NWD2: variants seen among roughly 807,000 people sequenced by gnomAD.
NWD2 encodes the protein NACHT and WD repeat domain-containing protein 2.
NWD2 carries 37 observed loss-of-function variants against 132.7 expected under a neutral mutation model. The observed-to-expected ratio is 0.28, with a 90% CI of 0.21 to 0.37. The LOEUF (loss-of-function observed/expected upper bound fraction) is 0.37, where lower values mean the gene tolerates loss of function less well. NWD2 is among the 10% of genes least tolerant of loss of function. The pLI is 1.00. For synonymous variants in NWD2, 705 were observed against 803.0 expected, an observed-to-expected ratio of 0.88 and a Z score of 2.06; for missense variants, 1,592 against 2,122.4, an observed-to-expected ratio of 0.75 and a Z score of 4.91.
rs1472414714 is a variant in NWD2 at position 37,289,666 on chromosome 4, A to G, written c.152-36270A>G. 2.0e-5 allele frequency among the ~76,000 whole-genome samples: 3 copies of G among 152,334 alleles called. No homozygotes were observed. In the East Asian group the frequency reaches 5.8e-4, roughly 29 times the overall value. ...ATTTGTCTTTTGAGGTAAAATTTAC[A>G]CAGTGAAATGTACAAATCCTAAGTG... On this transcript the variant is annotated intron_variant, in intron 1 of 6. Coordinates refer to ENST00000309447, the MANE Select transcript of NWD2 (RefSeq NM_001144990.2).
chr4:37,430,755 C>G lies in NWD2; in HGVS notation c.541C>G (p.Leu181Val), dbSNP rs1712147829. The G allele has an allele frequency of 6.4e-7, 1 of 1,551,544 alleles. No homozygotes were observed. The highest frequency in any genetic ancestry group is 8.7e-7 in the Non-Finnish European group (1 of 1,146,800). The change falls in exon 4 of 7, where the codon CTG becomes GTG. Residue 181 changes from leucine to valine, a missense_variant. By Grantham distance (32) the Leu-to-Val change is conservative. Transcript: ENST00000309447. ...AYYLRPKSEM[L>V]RSNRNAMQPS... ...TTACCTCAGACCCAAGTCAGAAATG[C>G]TGAGAAGCAATAGAAATGCAGTAAG...
chr4:37,342,917 T>G (rs1180352880), intron 2 of NWD2, among the ~76,000 whole-genome samples: 1 of 152,194 alleles, frequency 6.6e-6, no homozygotes, highest in Non-Finnish European at 1.5e-5. Flanking sequence ...ACTGAGGACC[T>G]GTTTGTTGCC....
Position 37,446,714 on chromosome 4 carries a change from G to C in NWD2, c.4726G>C (p.Gly1576Arg). The C allele has an allele frequency of 6.4e-7, 1 of 1,551,456 alleles. No homozygotes were observed. The highest frequency in any genetic ancestry group is 8.7e-7 in the Non-Finnish European group (1 of 1,146,950). Reference sequence around the variant, plus strand: ...CTGGCGGCAGAGGTTGTCTCGGGATGGTCGCTACCTGGTATACATTTGTTT... The same window carrying C: ...CTGGCGGCAGAGGTTGTCTCGGGATCGTCGCTACCTGGTATACATTTGTTT... ...IIWRQRLSRDGRYLVYICFRN... is the reference protein window; with the variant it reads ...IIWRQRLSRDRRYLVYICFRN... The change falls in exon 7 of 7, where the codon GGT (glycine) becomes CGT (arginine). Residue 1576 changes from glycine to arginine, a missense_variant. Transcript: ENST00000309447. The surrounding 1 kb of genome is among the most constrained non-coding windows in gnomAD (Gnocchi z 6.7).
intron 1 of NWD2, among the ~76,000 whole-genome samples, chr4:37,321,712 C>G (rs1719073578): frequency 6.6e-6 from 1 of 152,114 alleles, no homozygotes; most frequent in Non-Finnish European, 1.5e-5. Flanking sequence ...TTTAATTAAG[C>G]CAGCTTATCT....
intron 3 of NWD2, among the ~76,000 whole-genome samples, chr4:37,394,033 G>C (rs889197653): frequency 1.3e-5 from 2 of 152,162 alleles, no homozygotes; most frequent in African/African-American, 4.8e-5. Flanking sequence ...ACCTGCAGTG[G>C]GAATGTGGAA....
intron 1 of NWD2, among the ~76,000 whole-genome samples, chr4:37,276,142 T>C (rs139009977): frequency 0.013 from 1,986 of 152,110 alleles, 39 homozygotes; most frequent in African/African-American, 0.045. Context: ...CAAAAAAAAC[T>C]ACCATTGGAG....
chr4:37,284,253 C>T (rs542619871), intron 1 of NWD2, among the ~76,000 whole-genome samples: 9 of 152,270 alleles, frequency 5.9e-5, no homozygotes, highest in Non-Finnish European at 1.2e-4. Flanking sequence ...GGAGGAGCAA[C>T]AGAACTCTCT....
At chr4:37,425,233 C>A (rs572382097) in intron 3 of NWD2, among the ~76,000 whole-genome samples, 1 of 152,302 alleles carries the variant, frequency 6.6e-6, no homozygotes, top group South Asian at 2.1e-4. Flanking sequence ...CAGTGTTGTA[C>A]AAACACCACC....
At chr4:37,351,890 T>C (rs1476663576) in intron 2 of NWD2, among the ~76,000 whole-genome samples, 1 of 152,204 alleles carries the variant, frequency 6.6e-6, no homozygotes, top group Non-Finnish European at 1.5e-5. Context: ...TTCATTCTCA[T>C]TGGTTTCAAA....
chr4:37,385,309 G>A (rs1339264511), intron 3 of NWD2, among the ~76,000 whole-genome samples: 1 of 152,134 alleles, frequency 6.6e-6, no homozygotes, highest in Non-Finnish European at 1.5e-5. Context: ...GAGAAGCATA[G>A]GAGTTGGACA....
intron 1 of NWD2, among the ~76,000 whole-genome samples, chr4:37,261,907 A>C (rs116603891): frequency 0.044 from 6,738 of 152,314 alleles, 525 homozygotes; most frequent in African/African-American, 0.15. Flanking sequence ...AACCAGATAT[A>C]TGGAGGACAA....
intron 3 of NWD2, among the ~76,000 whole-genome samples, chr4:37,410,626 C>T (rs753265890): frequency 8.5e-5 from 13 of 152,164 alleles, no homozygotes; most frequent in Non-Finnish European, 1.9e-4. Context: ...GACTTGAACT[C>T]AGCTCTGGAC....
intron 3 of NWD2, among the ~76,000 whole-genome samples, chr4:37,383,406 T>C (rs1448977145): frequency 1.3e-5 from 2 of 152,214 alleles, no homozygotes; most frequent in Non-Finnish European, 2.9e-5. Context: ...TTCAAATAAA[T>C]TGTGCCTTTC....
chr4:37,289,543 T>C (rs1417283812), intron 1 of NWD2, among the ~76,000 whole-genome samples: 3 of 152,246 alleles, frequency 2.0e-5, no homozygotes, highest in African/African-American at 7.2e-5. Context: ...TTATTATATG[T>C]ATTTCACAGT....
chr4:37,363,927 G>C (rs1019647387), intron 3 of NWD2, among the ~76,000 whole-genome samples: 10 of 151,288 alleles, frequency 6.6e-5, no homozygotes, highest in Admixed American at 6.6e-5. Context: ...TTCAAGACCA[G>C]CCTGGCCAAC....
intron 3 of NWD2, among the ~76,000 whole-genome samples, chr4:37,429,369 C>A (rs995440322): frequency 2.6e-5 from 4 of 152,084 alleles, no homozygotes; most frequent in African/African-American, 7.2e-5. Flanking sequence ...GGCTGGAGTG[C>A]AGTGGCGCAA....
intron 1 of NWD2, among the ~76,000 whole-genome samples, chr4:37,267,575 C>T (rs1341227068): frequency 1.3e-5 from 2 of 151,914 alleles, no homozygotes. Context: ...GAGGACCTCA[C>T]CCACGGATGC....
intron 1 of NWD2, among the ~76,000 whole-genome samples, chr4:37,270,419 T>A (rs1166247807): frequency 6.6e-6 from 1 of 151,856 alleles, no homozygotes; most frequent in Non-Finnish European, 1.5e-5. Flanking sequence ...CCCCAAAGGA[T>A]AACAGTTCAG....
At position 37,322,720 on chromosome 4, in the gene NWD2, ATGAGAGG is replaced by A. The variant is rs530907217; in HGVS notation, c.152-3211_152-3205del. Reference sequence around the variant, plus strand: ...ATGAAAACAGGGAGATGGAATCTGGATGAGAGGTGAGTATGGCTTGCATCTGGTAGCA... The same window carrying A: ...ATGAAAACAGGGAGATGGAATCTGGATGAGTATGGCTTGCATCTGGTAGCA... On this transcript the variant is annotated intron_variant, in intron 1 of 6. Transcript: ENST00000309447. Among the ~76,000 whole-genome samples, 550 of 152,278 alleles carry A rather than the reference ATGAGAGG, an allele frequency of 3.6e-3. 1 individual carries two copies. The highest frequency in any genetic ancestry group is 0.012 in the African/African-American group (503 of 41,562).
Sources: allele counts gnomAD v4.1 joint callset (sites outside exome capture counted in the v4.1 genomes callset), GRCh38; gene constraint gnomAD v4.1.1; non-coding constraint Gnocchi (gnomAD v3.1); transcripts MANE v1.5; gene names NCBI Gene and HGNC (gene_info 2026-07-23, HGNC 2026-07-21).